Variants in PDE1C observed in about 807,000 individuals in gnomAD.
PDE1C encodes dual specificity calcium/calmodulin-dependent 3',5'-cyclic nucleotide phosphodiesterase 1C.
Under a neutral mutation model 93.1 loss-of-function variants are expected in PDE1C, and 62 were observed. That is an observed-to-expected ratio of 0.67 (90% CI 0.54 to 0.82). The LOEUF is 0.82. Among genes scored for constraint, PDE1C ranks in the 40% least tolerant of loss-of-function variants. The pLI is 0.00. For synonymous variants in PDE1C, 325 were observed against 310.1 expected (o/e 1.05, Z -0.50); for missense variants, 742 against 884.6 (o/e 0.84, Z 2.04).
At chr7:32,195,189 T>C (rs897817372) in intron 2 of PDE1C, among the ~76,000 whole-genome samples, 2 of 152,236 alleles carry the variant, frequency 1.3e-5, no homozygotes, top group Non-Finnish European at 2.9e-5. Context: ...GGAAACATTA[T>C]TGGATTTAGC....
At chr7:32,285,092 T>A (rs1585078351) in intron 1 of PDE1C, among the ~76,000 whole-genome samples, 1 of 151,650 alleles carries the variant, frequency 6.6e-6, no homozygotes, top group African/African-American at 2.4e-5. Context: ...CAACCCACAA[T>A]TATGGAATTG....
the PDE1C span, among the ~76,000 whole-genome samples, chr7:31,705,066 T>C: frequency 1.3e-5 from 2 of 152,242 alleles, no homozygotes; most frequent in East Asian, 3.8e-4. Context: ...AATTCTTAAC[T>C]GTATTAATAT....
chr7:32,151,881 T>C (rs1801281255), intron 3 of PDE1C, among the ~76,000 whole-genome samples: 1 of 152,210 alleles, frequency 6.6e-6, no homozygotes, highest in Non-Finnish European at 1.5e-5. Flanking sequence ...CAGTTGAATA[T>C]TTGAACATGT....
chr7:31,732,710 A>C, the PDE1C span, among the ~76,000 whole-genome samples: 1 of 150,628 alleles, frequency 6.6e-6, no homozygotes, highest in East Asian at 2.0e-4. Context: ...ACCCTAATAC[A>C]CCAAGACACT....
intron 3 of PDE1C, among the ~76,000 whole-genome samples, chr7:32,135,841 C>T (rs1348251733): frequency 6.6e-6 from 1 of 152,198 alleles, no homozygotes; most frequent in Non-Finnish European, 1.5e-5. Context: ...CAGCATTCTT[C>T]ACTACAGCCA....
chr7:32,335,666 C>A (rs1783604194), intron 1 of PDE1C, among the ~76,000 whole-genome samples: 1 of 151,944 alleles, frequency 6.6e-6, no homozygotes, highest in African/African-American at 2.4e-5. Flanking sequence ...GGATTAGGGC[C>A]CACCCTAGTG....
chr7:32,348,143 T>A (rs1393432398), intron 1 of PDE1C, among the ~76,000 whole-genome samples: 4 of 152,080 alleles, frequency 2.6e-5, no homozygotes, highest in African/African-American at 9.7e-5. Flanking sequence ...TGGCTGCAAA[T>A]GACTTTATGA....
intron 2 of PDE1C, among the ~76,000 whole-genome samples, chr7:31,955,356 C>T (rs558953865): frequency 1.3e-5 from 2 of 152,298 alleles, no homozygotes; most frequent in South Asian, 2.1e-4. Context: ...GTGTGTTTTC[C>T]TCTGCCTTAT....
intron 2 of PDE1C, among the ~76,000 whole-genome samples, chr7:31,983,101 C>T (rs1466460603): frequency 6.6e-6 from 1 of 152,150 alleles, no homozygotes; most frequent in Non-Finnish European, 1.5e-5. Flanking sequence ...TATTCTAAAC[C>T]CATCCCCCTC....
At chr7:32,247,965 T>C (rs73687121) in intron 1 of PDE1C, among the ~76,000 whole-genome samples, 15,975 of 152,038 alleles carry the variant, frequency 0.11, 897 homozygotes, top group East Asian at 0.13. Flanking sequence ...ATAGCAATAA[T>C]GATGGAAAGG....
intron 2 of PDE1C, among the ~76,000 whole-genome samples, chr7:31,950,299 A>G (rs73310517): frequency 0.032 from 4,834 of 152,306 alleles, 242 homozygotes; most frequent in African/African-American, 0.11. Context: ...CATGAAAAGC[A>G]GAAGTCTTAG....
At chr7:32,048,028 A>G (rs1307103006) in intron 2 of PDE1C, among the ~76,000 whole-genome samples, 2 of 152,184 alleles carry the variant, frequency 1.3e-5, no homozygotes, top group Non-Finnish European at 2.9e-5. Flanking sequence ...GTCCAAATAA[A>G]CCATCAAGTA....
the PDE1C span, among the ~76,000 whole-genome samples, chr7:31,667,757 T>C: frequency 6.6e-6 from 1 of 151,838 alleles, no homozygotes; most frequent in African/African-American, 2.4e-5. Context: ...GGCTCTGTCA[T>C]TGGGGTTGTA....
intron 16 of PDE1C, 77 bp downstream of exon 16, chr7:31,808,954 A>G: frequency 1.2e-6 from 1 of 820,796 alleles, no homozygotes; most frequent in East Asian, 2.5e-5. Context: ...CACTATTTCA[A>G]TTTTGGGTAT....
intron 3 of PDE1C, among the ~76,000 whole-genome samples, chr7:32,122,953 G>A (rs1445242083): frequency 6.6e-6 from 1 of 152,062 alleles, no homozygotes; most frequent in East Asian, 1.9e-4. Context: ...TAACAAAATA[G>A]ATAGACTGCT....
chr7:31,668,636 G>A, the PDE1C span, among the ~76,000 whole-genome samples: 2 of 152,142 alleles, frequency 1.3e-5, no homozygotes, highest in Admixed American at 1.3e-4. Flanking sequence ...CAAATTAATA[G>A]AGACAGAAAG....
chr7:32,143,630 C>T (rs1388259056), intron 3 of PDE1C, among the ~76,000 whole-genome samples: 1 of 152,128 alleles, frequency 6.6e-6, no homozygotes, highest in Non-Finnish European at 1.5e-5. Context: ...TGTTATTCAA[C>T]AAGTTGTTCC....
chr7:32,319,842 T>C (rs1481903638), intron 1 of PDE1C, among the ~76,000 whole-genome samples: 3 of 152,222 alleles, frequency 2.0e-5, no homozygotes, highest in Non-Finnish European at 4.4e-5. Flanking sequence ...TAGTGTGTAA[T>C]TGCACCTATT....
chr7:31,669,492 A>G, the PDE1C span, among the ~76,000 whole-genome samples: 6,276 of 152,240 alleles, frequency 0.041, 451 homozygotes, highest in African/African-American at 0.14. Context: ...TCCCTTCAAA[A>G]AGCACTGTCA....
Sources: allele counts gnomAD v4.1 joint callset (sites outside exome capture counted in the v4.1 genomes callset), GRCh38; gene constraint gnomAD v4.1.1; transcripts MANE v1.5; gene names NCBI Gene and HGNC (gene_info 2026-07-23, HGNC 2026-07-21).